PDE7A: variants seen among roughly 807,000 people sequenced by gnomAD.
PDE7A encodes high affinity 3',5'-cyclic-AMP phosphodiesterase 7A.
Under a neutral mutation model 64.3 loss-of-function variants are expected in PDE7A, and 39 were observed. The observed-to-expected ratio is 0.61, with a 90% CI of 0.47 to 0.79. The LOEUF (loss-of-function observed/expected upper bound fraction) is 0.79, where lower values mean the gene tolerates loss of function less well. Among genes scored for constraint, PDE7A ranks in the 30% least tolerant of loss-of-function variants. The pLI, the probability that PDE7A is intolerant of heterozygous loss-of-function variation, is 0.00. For synonymous variants in PDE7A, 203 were observed against 206.8 expected (o/e 0.98, Z 0.16); for missense variants, 470 against 582.8 (o/e 0.81, Z 1.99).
intron 3 of PDE7A, among the ~76,000 whole-genome samples, chr8:65,750,510 G>GTA (rs1431396594): frequency 6.6e-6 from 1 of 151,368 alleles, no homozygotes; most frequent in Non-Finnish European, 1.5e-5. Flanking sequence ...GTGTCTGTGT[G>GTA]TGTCTGTGTG....
At chr8:65,784,387 G>A (rs1285222002) in intron 1 of PDE7A, among the ~76,000 whole-genome samples, 1 of 152,054 alleles carries the variant, frequency 6.6e-6, no homozygotes, top group African/African-American at 2.4e-5. Context: ...AATAAATAAT[G>A]TTAGATTAAG....
At chr8:65,768,547 G>A (rs1808916102) in intron 3 of PDE7A, among the ~76,000 whole-genome samples, 2 of 152,178 alleles carry the variant, frequency 1.3e-5, no homozygotes, top group Admixed American at 1.3e-4. Flanking sequence ...GGAGCTATAA[G>A]TCTAATAAAC....
chr8:65,840,720 C>T (rs1811059716), intron 1 of PDE7A, among the ~76,000 whole-genome samples: 1 of 152,206 alleles, frequency 6.6e-6, no homozygotes, highest in Non-Finnish European at 1.5e-5. Context: ...CAAAGTCTTC[C>T]CATGAGTGTA....
intron 1 of PDE7A, among the ~76,000 whole-genome samples, chr8:65,840,906 A>C (rs907804593): frequency 6.6e-6 from 1 of 152,254 alleles, no homozygotes; most frequent in Non-Finnish European, 1.5e-5. Context: ...AGGGAACCGC[A>C]GGACCAGGCG....
intron 7 of PDE7A, 108 bp from the exon 8 acceptor site, chr8:65,727,409 C>T: frequency 6.8e-7 from 1 of 1,479,184 alleles, no homozygotes. Flanking sequence ...TAATCTCCTC[C>T]CCCTTCACGT....
chr8:65,780,241 C>A (rs1053540992), intron 2 of PDE7A, among the ~76,000 whole-genome samples: 2 of 151,958 alleles, frequency 1.3e-5, no homozygotes, highest in African/African-American at 4.8e-5. Flanking sequence ...TTATTAAGAG[C>A]CGACTCTGTG....
chr8:65,785,683 T>C (rs1170947877), intron 1 of PDE7A, among the ~76,000 whole-genome samples: 1 of 152,170 alleles, frequency 6.6e-6, no homozygotes, highest in Non-Finnish European at 1.5e-5. Context: ...CTAAAGCAAA[T>C]TAATGAAACT....
At chr8:65,748,123 A>G (rs370902862) in intron 3 of PDE7A, among the ~76,000 whole-genome samples, 1 of 151,918 alleles carries the variant, frequency 6.6e-6, no homozygotes, top group East Asian at 1.9e-4. Flanking sequence ...TTAAAATACT[A>G]TAACCTCTTA....
intron 3 of PDE7A, among the ~76,000 whole-genome samples, chr8:65,762,447 A>G (rs1283332240): frequency 6.6e-6 from 1 of 152,198 alleles, no homozygotes; most frequent in Non-Finnish European, 1.5e-5. Flanking sequence ...AGCAAAGTAC[A>G]TGAGAACACA....
intron 1 of PDE7A, among the ~76,000 whole-genome samples, chr8:65,791,679 T>A (rs1780317416): frequency 6.6e-6 from 1 of 152,176 alleles, no homozygotes; most frequent in Admixed American, 6.5e-5. Context: ...AATACAGAGA[T>A]AATCAAGACA....
At chr8:65,763,837 C>T (rs977069621) in intron 3 of PDE7A, among the ~76,000 whole-genome samples, 78 of 152,278 alleles carry the variant, frequency 5.1e-4, no homozygotes, top group African/African-American at 1.9e-3. Context: ...CTTGCCAAAG[C>T]ACAAGTAAAA....
At chr8:65,745,758 T>C (rs184122948) in intron 4 of PDE7A, among the ~76,000 whole-genome samples, 12 of 152,334 alleles carry the variant, frequency 7.9e-5, no homozygotes, top group Admixed American at 7.8e-4. Flanking sequence ...TTAAGAATTC[T>C]AGTATCACTT....
intron 1 of PDE7A, among the ~76,000 whole-genome samples, chr8:65,816,646 C>G (rs772710660): frequency 2.6e-5 from 4 of 152,216 alleles, no homozygotes; most frequent in Non-Finnish European, 4.4e-5. Flanking sequence ...TTTTCTTCTT[C>G]CAGCACTTTG....
At chr8:65,809,087 T>G (rs1026365224) in intron 1 of PDE7A, among the ~76,000 whole-genome samples, 1 of 152,224 alleles carries the variant, frequency 6.6e-6, no homozygotes, top group Non-Finnish European at 1.5e-5. Flanking sequence ...GAGTTAAACC[T>G]TATTAGCCAT....
intron 1 of PDE7A, among the ~76,000 whole-genome samples, chr8:65,829,306 T>G (rs1253578379): frequency 6.6e-6 from 1 of 152,136 alleles, no homozygotes; most frequent in Non-Finnish European, 1.5e-5. Flanking sequence ...ACAAATCAAA[T>G]GCTATCTTCC....
chr8:65,793,484 TAAA>T (rs11339152), intron 1 of PDE7A, among the ~76,000 whole-genome samples: 44 of 137,838 alleles, frequency 3.2e-4, no homozygotes, highest in Admixed American at 1.8e-3. Context: ...TAAAGTTTCC[TAAA>T]AAAAAAAAAA....
At chr8:65,802,383 T>C (rs1215677161) in intron 1 of PDE7A, among the ~76,000 whole-genome samples, 1 of 152,234 alleles carries the variant, frequency 6.6e-6, no homozygotes, top group Non-Finnish European at 1.5e-5. Flanking sequence ...GAAAAAAGTA[T>C]TTTCATGTTA....
chr8:65,829,271 TAA>T (rs1810754770), intron 1 of PDE7A, among the ~76,000 whole-genome samples: 1 of 152,154 alleles, frequency 6.6e-6, no homozygotes, highest in African/African-American at 2.4e-5. Flanking sequence ...TATAAAAGGT[TAA>T]GTTGCACATA....
chr8:65,834,048 T>G (rs1810895548), intron 1 of PDE7A, among the ~76,000 whole-genome samples: 1 of 152,138 alleles, frequency 6.6e-6, no homozygotes, highest in Non-Finnish European at 1.5e-5. Flanking sequence ...AGTTGACAAT[T>G]CAATATGGGT....
Sources: gnomAD v4.1 joint callset for allele counts (sites outside exome capture counted in the v4.1 genomes callset) on GRCh38, gnomAD v4.1.1 for gene constraint, MANE v1.5 for transcripts, NCBI Gene and HGNC (gene_info 2026-07-23, HGNC 2026-07-21) for gene names.